Variants in STK3 observed in about 807,000 individuals in gnomAD.
STK3 encodes serine/threonine kinase 3.
STK3 carries 41 observed loss-of-function variants against 58.0 expected under a neutral mutation model. The observed-to-expected ratio is 0.71, with a 90% CI of 0.55 to 0.92. The LOEUF is 0.92. STK3 is among the 40% of genes least tolerant of loss of function. The pLI is 0.00. For synonymous variants in STK3, 170 were observed against 191.0 expected (o/e 0.89, Z 0.91); for missense variants, 479 against 602.7 (o/e 0.79, Z 2.15).
At chr8:98,360,106 C>T in the STK3 span, among the ~76,000 whole-genome samples, 4 of 152,158 alleles carry the variant, frequency 2.6e-5, no homozygotes, top group Admixed American at 2.6e-4. Context: ...TTGCTGTATC[C>T]CTGTATGGTT....
intron 9 of STK3, among the ~76,000 whole-genome samples, chr8:98,545,452 G>T (rs1002816065): frequency 6.6e-6 from 1 of 152,112 alleles, no homozygotes; most frequent in African/African-American, 2.4e-5. Flanking sequence ...TGCCCATAGG[G>T]TCCACGTCCA....
At chr8:98,901,404 A>C (rs886182920) in intron 1 of STK3, among the ~76,000 whole-genome samples, 3 of 152,350 alleles carry the variant, frequency 2.0e-5, no homozygotes, top group Non-Finnish European at 4.4e-5. Flanking sequence ...CTGTTAATCA[A>C]TGGCTTTAGA....
chr8:98,675,704 T>C (rs577356480), intron 6 of STK3, among the ~76,000 whole-genome samples: 1 of 151,740 alleles, frequency 6.6e-6, no homozygotes, highest in East Asian at 1.9e-4. Context: ...CTACTAAAAA[T>C]AACAAAAAAC....
intron 3 of STK3, among the ~76,000 whole-genome samples, chr8:98,835,326 T>C (rs943061775): frequency 6.6e-6 from 1 of 152,190 alleles, no homozygotes; most frequent in East Asian, 1.9e-4. Flanking sequence ...CTTTACCAGA[T>C]GGCATGATGG....
chr8:98,505,942 A>C (rs935940896), intron 10 of STK3, among the ~76,000 whole-genome samples: 3 of 152,188 alleles, frequency 2.0e-5, no homozygotes, highest in Admixed American at 6.5e-5. Flanking sequence ...CTGTCAGACA[A>C]GGACGTTTAA....
At chr8:98,622,878 TTTAA>T (rs1207965546) in intron 6 of STK3, among the ~76,000 whole-genome samples, 1 of 152,204 alleles carries the variant, frequency 6.6e-6, no homozygotes, top group Non-Finnish European at 1.5e-5. Flanking sequence ...TTCTACAGCA[TTTAA>T]TTGTTACATC....
the STK3 span, among the ~76,000 whole-genome samples, chr8:98,349,715 A>T: frequency 0.33 from 50,293 of 152,104 alleles, 8,550 homozygotes; most frequent in African/African-American, 0.38. Flanking sequence ...GTGTACCTGC[A>T]GGCTCAACAC....
At chr8:98,825,804 C>CG (rs1835248857), upstream of STK3, 1 of 62,846 alleles carries the variant, frequency 1.6e-5, no homozygotes, top group African/African-American at 5.9e-5. Context: ...GGCCGCCCCG[C>CG]CCCGCCCCCG....
chr8:98,605,502 T>A (rs1453791865), intron 6 of STK3, among the ~76,000 whole-genome samples: 1 of 150,614 alleles, frequency 6.6e-6, no homozygotes, highest in Non-Finnish European at 1.5e-5. Flanking sequence ...AGCGGCATGA[T>A]CTCGGCTCAC....
At chr8:98,775,514 T>C (rs1294470924) in intron 1 of STK3, among the ~76,000 whole-genome samples, 1 of 152,176 alleles carries the variant, frequency 6.6e-6, no homozygotes, top group African/African-American at 2.4e-5. Context: ...CATTACTCAC[T>C]GTGGGTTTTT....
At chr8:98,613,979 T>C (rs544239135) in intron 6 of STK3, among the ~76,000 whole-genome samples, 1 of 152,050 alleles carries the variant, frequency 6.6e-6, no homozygotes, top group East Asian at 1.9e-4. Flanking sequence ...TGAGACATAA[T>C]TCACCAAGAA....
chr8:98,634,477 G>A (rs930494051), intron 6 of STK3, among the ~76,000 whole-genome samples: 1 of 152,012 alleles, frequency 6.6e-6, no homozygotes, highest in Non-Finnish European at 1.5e-5. Context: ...TCTAGTCTGG[G>A]TGACAGAGTG....
intron 10 of STK3, among the ~76,000 whole-genome samples, chr8:98,475,872 C>A (rs568045392): frequency 1.3e-5 from 2 of 152,318 alleles, no homozygotes; most frequent in East Asian, 3.9e-4. Flanking sequence ...TGCCTATGAC[C>A]TTCTCAGCTC....
chr8:98,457,034 T>C (rs984106194), intron 10 of STK3, among the ~76,000 whole-genome samples: 1 of 152,214 alleles, frequency 6.6e-6, no homozygotes, highest in Non-Finnish European at 1.5e-5. Flanking sequence ...GACAGTGTTA[T>C]GGAGAAGAGT....
At chr8:98,684,965 ATG>A (rs143370118) in intron 6 of STK3, among the ~76,000 whole-genome samples, 1 of 151,964 alleles carries the variant, frequency 6.6e-6, no homozygotes, top group African/African-American at 2.4e-5. Context: ...TGTTTCACTT[ATG>A]TGTGTGTGTG....
chr8:98,881,862 A>G (rs1837806200), downstream of STK3: 1 of 152,176 alleles, frequency 6.6e-6, no homozygotes, highest in Non-Finnish European at 1.5e-5. Context: ...AATTTAATAA[A>G]TAAAAATGAG....
intron 2 of STK3, among the ~76,000 whole-genome samples, chr8:98,771,963 T>C (rs1246922239): frequency 2.0e-5 from 3 of 152,202 alleles, no homozygotes; most frequent in Non-Finnish European, 4.4e-5. Context: ...CAGTTTCTTT[T>C]GGTATGTTTC....
chr8:98,372,233 C>T (rs960639739), intron 2 of STK3, among the ~76,000 whole-genome samples: 5 of 152,198 alleles, frequency 3.3e-5, no homozygotes, highest in African/African-American at 1.2e-4. Flanking sequence ...GACTTTTAGC[C>T]TCCAGAACTG....
At chr8:98,830,994 A>C (rs183963068) in intron 3 of STK3, among the ~76,000 whole-genome samples, 37 of 145,072 alleles carry the variant, frequency 2.6e-4, no homozygotes, top group Non-Finnish European at 4.7e-4. Context: ...AAAAAAAAGG[A>C]AAGTAAGGTA....
Sources: allele counts gnomAD v4.1 joint callset (sites outside exome capture counted in the v4.1 genomes callset), GRCh38; gene constraint gnomAD v4.1.1; transcripts MANE v1.5; gene names NCBI Gene and HGNC (gene_info 2026-07-23, HGNC 2026-07-21).